NREP: variants seen among roughly 807,000 people sequenced by gnomAD.
NREP encodes the protein neuronal regeneration related protein, also known as neuronal regeneration-related protein.
Under a neutral mutation model 8.6 loss-of-function variants are expected in NREP, and 5 were observed. The ratio of observed to expected loss-of-function variants is 0.58; its 90% confidence interval spans 0.30 to 1.22. The LOEUF (loss-of-function observed/expected upper bound fraction) is 1.22, where lower values mean the gene tolerates loss of function less well. Among genes scored for constraint, NREP ranks in the 50% most tolerant of loss-of-function variants. NREP has a pLI of 0.07. For missense variants in NREP, 86 were observed against 82.5 expected (o/e 1.04, Z -0.17); for synonymous variants, 27 against 28.0 (o/e 0.96, Z 0.11).
chr5:111,890,851 G>A (rs1279997979), intron 2 of NREP, among the ~76,000 whole-genome samples: 1 of 152,230 alleles, frequency 6.6e-6, no homozygotes, highest in Non-Finnish European at 1.5e-5. Flanking sequence ...GGCCTGTGAT[G>A]AGAGGGGCTG....
At chr5:111,832,827 A>G (rs1396322173) in intron 2 of NREP, among the ~76,000 whole-genome samples, 1 of 152,216 alleles carries the variant, frequency 6.6e-6, no homozygotes, top group Non-Finnish European at 1.5e-5. Context: ...CCATGGTAGG[A>G]CAAATGCCAC....
chr5:111,884,576 T>G (rs1754185884), intron 2 of NREP, among the ~76,000 whole-genome samples: 1 of 151,898 alleles, frequency 6.6e-6, no homozygotes, highest in Non-Finnish European at 1.5e-5. Flanking sequence ...AAATCCTCAA[T>G]AAAATACTGG....
intron 2 of NREP, among the ~76,000 whole-genome samples, chr5:111,902,733 C>A (rs533426387): frequency 6.6e-6 from 1 of 152,252 alleles, no homozygotes; most frequent in East Asian, 1.9e-4. Context: ...GAAAGCTTCA[C>A]CAGAGAGTCC....
intron 2 of NREP, among the ~76,000 whole-genome samples, chr5:111,842,832 A>G (rs191545411): frequency 1.3e-5 from 2 of 152,262 alleles, no homozygotes; most frequent in African/African-American, 4.8e-5. Flanking sequence ...CTGAAGAACA[A>G]GTTTGTTGGG....
At chr5:111,825,632 G>A (rs971075246) in intron 2 of NREP, among the ~76,000 whole-genome samples, 2 of 152,198 alleles carry the variant, frequency 1.3e-5, no homozygotes, top group African/African-American at 4.8e-5. Context: ...ATACTGCGTA[G>A]TCAGGAAGGA....
intron 2 of NREP, among the ~76,000 whole-genome samples, chr5:111,823,409 C>A (rs566861370): frequency 1.1e-4 from 16 of 152,314 alleles, no homozygotes; most frequent in African/African-American, 3.4e-4. Flanking sequence ...CAGTCTAGCT[C>A]TGTCTCCTGA....
At chr5:111,936,141 G>C (rs777341627) in intron 2 of NREP, among the ~76,000 whole-genome samples, 1 of 151,966 alleles carries the variant, frequency 6.6e-6, no homozygotes, top group Non-Finnish European at 1.5e-5. Context: ...AATCCTATCC[G>C]ATTAAGGGCA....
intron 2 of NREP, among the ~76,000 whole-genome samples, chr5:111,882,597 A>G (rs1581188533): frequency 6.6e-6 from 1 of 152,244 alleles, no homozygotes; most frequent in Non-Finnish European, 1.5e-5. Context: ...TGGGTTACCC[A>G]CAAAGGGAAG....
chr5:111,793,951 G>C (rs549127252), intron 2 of NREP, among the ~76,000 whole-genome samples: 1 of 152,156 alleles, frequency 6.6e-6, no homozygotes, highest in African/African-American at 2.4e-5. Flanking sequence ...CCAGCTACTC[G>C]AGAGGCTGAG....
intron 2 of NREP, among the ~76,000 whole-genome samples, chr5:111,815,235 A>G (rs1052975711): frequency 8.5e-5 from 13 of 152,306 alleles, no homozygotes; most frequent in African/African-American, 2.6e-4. Context: ...CTTTCAGTTG[A>G]TAGTTCAGAA....
At position 111,921,026 on chromosome 5, in the gene NREP, T is replaced by C. The variant is rs147159783; in HGVS notation, c.135+54248A>G. Among the ~76,000 whole-genome samples, 5 of 152,268 alleles carry C rather than the reference T, an allele frequency of 3.3e-5. No individual in the cohort carries two copies. In the East Asian group the frequency reaches 9.7e-4, roughly 29 times the overall value. ...GCAGCCTGATCTCTTAGGTTGCTCT[T>C]TGCTGAAAGAGAAATGACCTCTTGG... On this transcript the variant is annotated intron_variant, in intron 2 of 3. Transcript: ENST00000395634.
intron 2 of NREP, chr5:111,846,239 GA>G: frequency 5.5e-6 from 1 of 183,294 alleles, no homozygotes. Flanking sequence ...GGATTTATAA[GA>G]AGGGAGACAA....
At chr5:111,782,571 G>C (rs1165404250) in intron 2 of NREP, among the ~76,000 whole-genome samples, 2 of 152,092 alleles carry the variant, frequency 1.3e-5, no homozygotes, top group Admixed American at 6.6e-5. Context: ...CTGTGAAATA[G>C]AGCTGAAAAT....
At chr5:111,782,257 A>G (rs1307357896) in intron 2 of NREP, among the ~76,000 whole-genome samples, 1 of 152,196 alleles carries the variant, frequency 6.6e-6, no homozygotes, top group East Asian at 1.9e-4. Flanking sequence ...CCACATGTAG[A>G]GTACAAAAAG....
intron 2 of NREP, among the ~76,000 whole-genome samples, chr5:111,899,182 G>C (rs565548983): frequency 6.6e-6 from 1 of 152,116 alleles, no homozygotes; most frequent in Admixed American, 6.6e-5. Flanking sequence ...ATACAAATGA[G>C]AAAGAGAAAG....
intron 2 of NREP, chr5:111,912,838 T>C (rs527959948): frequency 6.6e-6 from 1 of 152,212 alleles, no homozygotes; most frequent in South Asian, 2.1e-4. Context: ...TAGTTGGTTG[T>C]TTGATGAATA....
chr5:111,809,364 C>A (rs758753853), intron 2 of NREP, among the ~76,000 whole-genome samples: 6 of 152,190 alleles, frequency 3.9e-5, no homozygotes, highest in Non-Finnish European at 8.8e-5. Context: ...AAGAAGTCAG[C>A]TACTGTTTGA....
At chr5:111,897,664 A>G (rs1294005936) in intron 2 of NREP, among the ~76,000 whole-genome samples, 1 of 152,122 alleles carries the variant, frequency 6.6e-6, no homozygotes, top group Non-Finnish European at 1.5e-5. Context: ...TGCACCAACT[A>G]TAAAACTGGA....
rs571057459 is a variant in NREP at position 111,833,867 on chromosome 5, C to T, written c.136-98360G>A. ...CCTTTTGTTTCTGCATGTCTTTGAG[C>T]AGAGGCACTGAATTCCTTTGTTTCA... On this transcript the variant is annotated intron_variant, in intron 2 of 3. Coordinates refer to the NREP transcript ENST00000395634. 3.9e-5 allele frequency among the ~76,000 whole-genome samples: 6 copies of T among 152,292 alleles called. No homozygotes were observed. In the South Asian group the frequency reaches 1.2e-3, roughly 32 times the overall value.
Sources: allele counts gnomAD v4.1 joint callset (sites outside exome capture counted in the v4.1 genomes callset), GRCh38; gene constraint gnomAD v4.1.1; transcripts MANE v1.5; gene names NCBI Gene and HGNC (gene_info 2026-07-23, HGNC 2026-07-21).